Variants in CORIN observed in about 807,000 individuals in gnomAD.
CORIN encodes corin, serine peptidase.
CORIN carries 117 observed loss-of-function variants against 125.3 expected under a neutral mutation model. That is an observed-to-expected ratio of 0.93 (90% CI 0.80 to 1.09). The LOEUF (loss-of-function observed/expected upper bound fraction) is 1.09, where lower values mean the gene tolerates loss of function less well. Among genes scored for constraint, CORIN ranks in the 50% least tolerant of loss-of-function variants. The probability of loss-of-function intolerance (pLI) is 0.00; values close to 1 mark genes in which losing one functional copy is unlikely to be tolerated. For synonymous variants in CORIN, 450 were observed against 466.4 expected (o/e 0.96, Z 0.45); for missense variants, 1,253 against 1,306.7 (o/e 0.96, Z 0.63).
rs989201502 is a variant in CORIN at position 47,669,005 on chromosome 4, T to G, written c.1358-3742A>C. ...TCTTAAGCATTAGGCTCATGTGTGATCCTGATTTAAAAATCGCCACTAGAG... is the reference window on the plus strand; with the variant it reads ...TCTTAAGCATTAGGCTCATGTGTGAGCCTGATTTAAAAATCGCCACTAGAG... On this transcript the variant is annotated intron_variant, in intron 10 of 21. Coordinates refer to ENST00000273857, the MANE Select transcript of CORIN (RefSeq NM_006587.4). Among the ~76,000 whole-genome samples, 9 of 152,326 alleles carry G rather than the reference T, an allele frequency of 5.9e-5. No homozygotes were observed. The East Asian group carries it at 1.2e-3, about 20-fold the overall frequency.
chr4:47,680,381 T>G, intron 7 of CORIN, 130 bp from the exon 8 acceptor site: 1 of 649,090 alleles, frequency 1.5e-6, no homozygotes, highest in Non-Finnish European at 2.7e-6. Context: ...ATTTCTACAA[T>G]AGGTCTGGCC....
At chr4:47,755,620 T>A (rs1729100570) in intron 4 of CORIN, among the ~76,000 whole-genome samples, 1 of 152,220 alleles carries the variant, frequency 6.6e-6, no homozygotes, top group African/African-American at 2.4e-5. Context: ...TCCAGGATTT[T>A]AACAGTGATG....
chr4:47,776,874 G>A (rs1448666632), intron 3 of CORIN, among the ~76,000 whole-genome samples: 1 of 151,942 alleles, frequency 6.6e-6, no homozygotes, highest in African/African-American at 2.4e-5. Flanking sequence ...GAAGCTCCAG[G>A]ATAGACCTTT....
chr4:47,683,978 G>A, intron 6 of CORIN, 140 bp from the exon 7 acceptor site: 1 of 591,672 alleles, frequency 1.7e-6, no homozygotes, highest in Non-Finnish European at 2.9e-6. Context: ...AGGTGAGAAG[G>A]TGGCACACAG....
At chr4:47,694,939 C>G (rs532254082) in intron 5 of CORIN, among the ~76,000 whole-genome samples, 8 of 152,318 alleles carry the variant, frequency 5.3e-5, no homozygotes, top group African/African-American at 1.9e-4. Context: ...ATTAGTTGAT[C>G]TGGTAAGTTT....
intron 5 of CORIN, among the ~76,000 whole-genome samples, chr4:47,732,854 C>T (rs62299230): frequency 0.091 from 13,874 of 152,090 alleles, 772 homozygotes; most frequent in East Asian, 0.28. Context: ...TGAGCCACCG[C>T]GCCTGGCCAG....
At chr4:47,632,722 A>AGAC (rs1722857967) in intron 16 of CORIN, among the ~76,000 whole-genome samples, 1 of 111,024 alleles carries the variant, frequency 9.0e-6, no homozygotes, top group Admixed American at 9.5e-5. Flanking sequence ...AACTGACAAT[A>AGAC]GATGATAGAT....
At chr4:47,813,000 C>T (rs1264511134) in intron 1 of CORIN, among the ~76,000 whole-genome samples, 11 of 152,102 alleles carry the variant, frequency 7.2e-5, no homozygotes, top group Non-Finnish European at 1.0e-4. Flanking sequence ...ATGTGTACAC[C>T]TGTTGACTAC....
chr4:47,739,417 G>A (rs1728283175), intron 5 of CORIN, among the ~76,000 whole-genome samples: 1 of 151,988 alleles, frequency 6.6e-6, no homozygotes, highest in East Asian at 1.9e-4. Context: ...GAAAATAAAA[G>A]ACTGTCAAAC....
chr4:47,775,837 G>C (rs1730272912), intron 3 of CORIN, among the ~76,000 whole-genome samples: 1 of 152,134 alleles, frequency 6.6e-6, no homozygotes, highest in Non-Finnish European at 1.5e-5. Context: ...AGAAACTCTA[G>C]GAAAAAACTT....
At chr4:47,601,795 A>G (rs1441516323) in intron 20 of CORIN, among the ~76,000 whole-genome samples, 1 of 152,148 alleles carries the variant, frequency 6.6e-6, no homozygotes, top group East Asian at 1.9e-4. Context: ...TTTTTTGAAA[A>G]AGTCATTGAC....
At chr4:47,657,946 GT>G (rs1724070048) in intron 12 of CORIN, among the ~76,000 whole-genome samples, 1 of 152,110 alleles carries the variant, frequency 6.6e-6, no homozygotes, top group Non-Finnish European at 1.5e-5. Flanking sequence ...CAAATCTCAT[GT>G]CTTTCTCACA....
chr4:47,758,000 A>C (rs1319337715), intron 4 of CORIN, among the ~76,000 whole-genome samples: 1 of 150,242 alleles, frequency 6.7e-6, no homozygotes, highest in Non-Finnish European at 1.5e-5. Context: ...TGCAAGCTCC[A>C]CCTCCCGGAT....
At chr4:47,678,330 T>C (rs945212898) in intron 8 of CORIN, among the ~76,000 whole-genome samples, 3 of 152,242 alleles carry the variant, frequency 2.0e-5, no homozygotes, top group Non-Finnish European at 4.4e-5. Context: ...TGTAAAGGGT[T>C]CATTATATGG....
chr4:47,642,123 C>T, intron 15 of CORIN, 74 bp from the exon 16 acceptor site: 1 of 1,483,550 alleles, frequency 6.7e-7, no homozygotes, highest in South Asian at 1.2e-5. Flanking sequence ...CTTTACATGC[C>T]TCTGCTTCAT....
chr4:47,685,955 A>G (rs142819753), intron 6 of CORIN, among the ~76,000 whole-genome samples: 51 of 150,374 alleles, frequency 3.4e-4, no homozygotes, highest in Non-Finnish European at 6.9e-4. Flanking sequence ...TCAAGCAGTC[A>G]GTGGTTCAAT....
Position 47,696,066 on chromosome 4 carries a change from T to G in CORIN, c.800-2983A>C, listed in dbSNP as rs570218682. On this transcript the variant is annotated intron_variant, in intron 5 of 21. Coordinates refer to ENST00000273857, the MANE Select transcript of CORIN (RefSeq NM_006587.4). ...GTAAAACTTCAACATTGTCTTTTTCTCTCTAAACAAAAGACAAATGTCTGT... is the reference window on the plus strand; with the variant it reads ...GTAAAACTTCAACATTGTCTTTTTCGCTCTAAACAAAAGACAAATGTCTGT... 4.0e-4 allele frequency among the ~76,000 whole-genome samples: 61 copies of G among 152,338 alleles called. 2 individuals are homozygous for G. The South Asian group carries it at 0.012, about 31-fold the overall frequency.
intron 4 of CORIN, among the ~76,000 whole-genome samples, chr4:47,747,520 C>T (rs945752887): frequency 2.0e-5 from 3 of 152,118 alleles, no homozygotes; most frequent in Non-Finnish European, 2.9e-5. Context: ...TATTTCATTT[C>T]ATTTCATTTC....
intron 4 of CORIN, among the ~76,000 whole-genome samples, chr4:47,747,320 A>G (rs996224638): frequency 1.3e-5 from 2 of 152,194 alleles, no homozygotes; most frequent in African/African-American, 4.8e-5. Context: ...TTAAAAGAAG[A>G]CTGCTCACTG....
Sources: allele counts gnomAD v4.1 joint callset (sites outside exome capture counted in the v4.1 genomes callset), GRCh38; gene constraint gnomAD v4.1.1; transcripts MANE v1.5; gene names NCBI Gene and HGNC (gene_info 2026-07-23, HGNC 2026-07-21).